Variants in NPAS3 observed in about 807,000 individuals in gnomAD.
NPAS3 encodes neuronal PAS domain-containing protein 3.
In NPAS3, 14 loss-of-function variants were observed where a neutral mutation model predicts 73.1. The observed-to-expected ratio is 0.19, with a 90% CI of 0.13 to 0.30. The LOEUF (loss-of-function observed/expected upper bound fraction) is 0.30. Among genes scored for constraint, NPAS3 ranks in the 10% least tolerant of loss-of-function variants. The probability of loss-of-function intolerance (pLI) is 1.00; values close to 1 mark genes in which losing one functional copy is unlikely to be tolerated. For synonymous variants in NPAS3, 620 were observed against 541.5 expected (o/e 1.14, Z -2.01); for missense variants, 1,096 against 1,250.0 (o/e 0.88, Z 1.86).
At chr14:33,801,135 AGG>A, downstream of NPAS3, 11 of 1,552,634 alleles carry the variant, frequency 7.1e-6, no homozygotes, top group Admixed American at 6.0e-5. Flanking sequence ...GGGCCCGGCC[AGG>A]CCCCGCTTGG....
chr14:33,772,294 G>A (rs746616256), intron 7 of NPAS3, among the ~76,000 whole-genome samples: 2 of 152,130 alleles, frequency 1.3e-5, no homozygotes, highest in Non-Finnish European at 1.5e-5. Flanking sequence ...AGAAAATTGC[G>A]AGTCGAGACT....
intron 3 of NPAS3, among the ~76,000 whole-genome samples, chr14:33,263,156 G>T (rs1351284189): frequency 6.6e-6 from 1 of 152,116 alleles, no homozygotes; most frequent in African/African-American, 2.4e-5. Context: ...GGCTTTTGTT[G>T]CCATTGCTTT....
intron 3 of NPAS3, among the ~76,000 whole-genome samples, chr14:33,299,862 T>C (rs979348007): frequency 6.6e-6 from 1 of 152,208 alleles, no homozygotes; most frequent in Non-Finnish European, 1.5e-5. Flanking sequence ...TTCAATATAG[T>C]AGTTTCTGAA....
chr14:33,660,305 A>C (rs909443177), intron 5 of NPAS3, among the ~76,000 whole-genome samples: 1 of 152,162 alleles, frequency 6.6e-6, no homozygotes, highest in African/African-American at 2.4e-5. Flanking sequence ...AGCCATCTCC[A>C]TCAGTTCCTT....
intron 3 of NPAS3, among the ~76,000 whole-genome samples, chr14:33,354,582 G>A (rs2045245339): frequency 6.6e-6 from 1 of 152,078 alleles, no homozygotes; most frequent in South Asian, 2.1e-4. Context: ...CCTCATCTCT[G>A]CCAAAAACTC....
chr14:33,416,807 A>G (rs2048167101), intron 4 of NPAS3, among the ~76,000 whole-genome samples: 1 of 151,988 alleles, frequency 6.6e-6, no homozygotes, highest in Admixed American at 6.6e-5. Context: ...CTTTCTACTT[A>G]TGGACATTGA....
At chr14:32,967,193 C>T (rs1040415853) in intron 1 of NPAS3, among the ~76,000 whole-genome samples, 1 of 152,088 alleles carries the variant, frequency 6.6e-6, no homozygotes, top group Non-Finnish European at 1.5e-5. Context: ...TGATAATGAC[C>T]TTTATCATGA....
intron 2 of NPAS3, among the ~76,000 whole-genome samples, chr14:33,130,282 T>C (rs1570875): frequency 0.68 from 102,848 of 151,988 alleles, 35,363 homozygotes; most frequent in Admixed American, 0.76. Context: ...TCCCCCCTTA[T>C]TTAGTCTCAT....
chr14:33,799,827 G>A (rs776220857), exon 12 of NPAS3: 1 of 1,614,086 alleles, frequency 6.2e-7, no homozygotes. Context: ...GGCAACGCGT[G>A]TGACAACGAC....
intron 3 of NPAS3, among the ~76,000 whole-genome samples, chr14:33,327,869 A>C (rs889828353): frequency 1.3e-5 from 2 of 152,234 alleles, no homozygotes; most frequent in African/African-American, 4.8e-5. Context: ...AGTGCATTTC[A>C]AAAAGATACC....
At chr14:33,690,772 TTACTC>T (rs1359780627) in intron 6 of NPAS3, among the ~76,000 whole-genome samples, 2 of 152,104 alleles carry the variant, frequency 1.3e-5, no homozygotes, top group Non-Finnish European at 2.9e-5. Flanking sequence ...TTCATCATGT[TTACTC>T]CACTGCATAT....
chr14:33,330,346 T>G (rs1198776844), intron 3 of NPAS3, among the ~76,000 whole-genome samples: 1 of 152,196 alleles, frequency 6.6e-6, no homozygotes, highest in Non-Finnish European at 1.5e-5. Context: ...TTAAAAACAT[T>G]TGTGTTCTCC....
chr14:33,717,440 G>A (rs1354335445), intron 6 of NPAS3, among the ~76,000 whole-genome samples: 2 of 151,968 alleles, frequency 1.3e-5, no homozygotes, highest in Non-Finnish European at 2.9e-5. Context: ...GAATATTTCA[G>A]GGAAGTTCTG....
At chr14:33,370,338 G>A (rs2046031802) in intron 4 of NPAS3, among the ~76,000 whole-genome samples, 1 of 152,120 alleles carries the variant, frequency 6.6e-6, no homozygotes, top group Admixed American at 6.6e-5. Context: ...AGTTTATTAG[G>A]CAAAGAAAAG....
At chr14:33,606,472 A>G (rs1473739685) in intron 5 of NPAS3, among the ~76,000 whole-genome samples, 1 of 152,118 alleles carries the variant, frequency 6.6e-6, no homozygotes, top group Non-Finnish European at 1.5e-5. Flanking sequence ...CAAAGATGCA[A>G]AGATAGTTCA....
intron 2 of NPAS3, among the ~76,000 whole-genome samples, chr14:33,198,239 A>G (rs2046457814): frequency 6.6e-6 from 1 of 152,164 alleles, no homozygotes; most frequent in African/African-American, 2.4e-5. Flanking sequence ...CTTCCACAGC[A>G]TGGAAGGGGA....
intron 6 of NPAS3, among the ~76,000 whole-genome samples, chr14:33,733,816 G>A (rs2061458372): frequency 6.6e-6 from 1 of 151,984 alleles, no homozygotes; most frequent in South Asian, 2.1e-4. Context: ...ATAAGAAAGG[G>A]ACACTTGTCA....
intron 5 of NPAS3, among the ~76,000 whole-genome samples, chr14:33,621,702 C>G (rs571761405): frequency 1.3e-5 from 2 of 152,168 alleles, no homozygotes; most frequent in East Asian, 3.9e-4. Flanking sequence ...GGATAACTCA[C>G]AAATTAGAGA....
At chr14:33,477,642 TA>T (rs1360807348) in intron 4 of NPAS3, among the ~76,000 whole-genome samples, 1 of 152,162 alleles carries the variant, frequency 6.6e-6, no homozygotes, top group Non-Finnish European at 1.5e-5. Context: ...TAGTTCTGAT[TA>T]AACACTTCGG....
Sources: allele counts gnomAD v4.1 joint callset (sites outside exome capture counted in the v4.1 genomes callset), GRCh38; gene constraint gnomAD v4.1.1; transcripts MANE v1.5; gene names NCBI Gene and HGNC (gene_info 2026-07-23, HGNC 2026-07-21).